AHCYL2: variants seen among roughly 807,000 people sequenced by gnomAD.
The protein encoded by AHCYL2 is adenosylhomocysteinase like 2, also known as S-adenosylhomocysteine hydrolase-like protein 2.
Under a neutral mutation model 81.4 loss-of-function variants are expected in AHCYL2, and 28 were observed. That is an observed-to-expected ratio of 0.34 (90% CI 0.25 to 0.47). The LOEUF (loss-of-function observed/expected upper bound fraction) is 0.47. Ranked by LOEUF, AHCYL2 falls within the 20% of genes least tolerant of loss-of-function variation. AHCYL2 has a pLI of 1.00. For synonymous variants in AHCYL2, 272 were observed against 290.2 expected, an observed-to-expected ratio of 0.94 and a Z score of 0.64; for missense variants, 551 against 785.1, an observed-to-expected ratio of 0.70 and a Z score of 3.56.
intron 1 of AHCYL2, among the ~76,000 whole-genome samples, chr7:129,378,155 T>C (rs1053548776): frequency 1.3e-5 from 2 of 151,924 alleles, no homozygotes; most frequent in African/African-American, 4.8e-5. Flanking sequence ...CTACTAAAAA[T>C]ACAAAAATTA....
intron 2 of AHCYL2, among the ~76,000 whole-genome samples, chr7:129,380,415 T>A (rs1376025769): frequency 6.6e-6 from 1 of 152,252 alleles, no homozygotes; most frequent in African/African-American, 2.4e-5. Flanking sequence ...TTTATTTTGC[T>A]CTTGTGTTGG....
chr7:129,283,932 CA>C (rs1796537554), intron 1 of AHCYL2, among the ~76,000 whole-genome samples: 1 of 152,124 alleles, frequency 6.6e-6, no homozygotes, highest in Admixed American at 6.5e-5. Context: ...CTTTAAAAAA[CA>C]AAATCAAAAT....
chr7:129,397,201 C>A lies in AHCYL2; in HGVS notation c.721-21C>A, dbSNP rs554530010. 9 of 1,606,852 alleles carry A rather than the reference C, an allele frequency of 5.6e-6. No homozygotes were observed. In the South Asian group the frequency reaches 6.6e-5, roughly 12 times the overall value. On this transcript the variant is annotated intron_variant, in intron 4 of 16. Transcript: ENST00000325006. ...TTGTTTGGCCCAGGCTTGCTCATACCCTGCTTTGTCTTTAATACAGGTGCT... is the reference window on the plus strand; with the variant it reads ...TTGTTTGGCCCAGGCTTGCTCATACACTGCTTTGTCTTTAATACAGGTGCT...
At position 129,368,380 on chromosome 7, in the gene AHCYL2, G is replaced by C; in HGVS notation, c.364-11258G>C. ...AGGGATGCAGCTTCTGCTAGCCACT[G>C]TGAACTTCTGAATCTCACTAGGGTT... is the stretch of plus-strand genomic sequence containing the variant. On this transcript the variant is annotated intron_variant, in intron 1 of 16. Coordinates refer to ENST00000325006, the MANE Select transcript of AHCYL2 (RefSeq NM_015328.4). This position sits in a 1 kb window ranked among gnomAD's most constrained non-coding sequence, Gnocchi z 4.4. 2 of 1,552,934 alleles carry C rather than the reference G, an allele frequency of 1.3e-6. No individual in the cohort carries two copies. Among genetic ancestry groups the C allele is most frequent in the South Asian group, 2.4e-5 (2 of 81,856 alleles).
chr7:129,394,090 C>T (rs1795597173), intron 4 of AHCYL2, among the ~76,000 whole-genome samples: 1 of 152,054 alleles, frequency 6.6e-6, no homozygotes, highest in Admixed American at 6.6e-5. Flanking sequence ...CTCATTGCAG[C>T]CTCAAACTCC....
At chr7:129,306,453 A>G (rs1010795515) in intron 1 of AHCYL2, among the ~76,000 whole-genome samples, 2 of 151,670 alleles carry the variant, frequency 1.3e-5, no homozygotes, top group Admixed American at 6.6e-5. Context: ...AATTATTTCA[A>G]TTTCATCGTT....
intron 1 of AHCYL2, among the ~76,000 whole-genome samples, chr7:129,233,961 T>C (rs1794542186): frequency 6.6e-6 from 1 of 152,174 alleles, no homozygotes; most frequent in Non-Finnish European, 1.5e-5. Context: ...GACCAATCCC[T>C]TCACAGGTGC....
chr7:129,338,325 T>TC (rs1793035828), intron 1 of AHCYL2, among the ~76,000 whole-genome samples: 2 of 151,680 alleles, frequency 1.3e-5, no homozygotes, highest in South Asian at 2.1e-4. Flanking sequence ...ATTTGTAAAT[T>TC]TTTTTTTTCT....
chr7:129,259,453 C>G (rs1584715030), intron 1 of AHCYL2, among the ~76,000 whole-genome samples: 1 of 152,130 alleles, frequency 6.6e-6, no homozygotes, highest in Middle Eastern at 3.4e-3. Context: ...TAGGCTTACT[C>G]TTTGTGGATT....
At chr7:129,360,310 T>G (rs953093251) in intron 1 of AHCYL2, among the ~76,000 whole-genome samples, 2 of 151,992 alleles carry the variant, frequency 1.3e-5, no homozygotes, top group African/African-American at 4.8e-5. Context: ...GAGACGGAGT[T>G]TCTTCATTTT....
intron 1 of AHCYL2, among the ~76,000 whole-genome samples, chr7:129,250,971 G>A (rs2012919): frequency 0.24 from 36,432 of 152,058 alleles, 4,574 homozygotes; most frequent in East Asian, 0.4. Flanking sequence ...ACCAAAACCG[G>A]TGAAGCCTTT....
chr7:129,376,672 GTGGTGTGTGTACA>G (rs1205190477), intron 1 of AHCYL2, among the ~76,000 whole-genome samples: 2 of 152,218 alleles, frequency 1.3e-5, no homozygotes, highest in African/African-American at 4.8e-5. Context: ...GCCCCCTCTA[GTGGTGTGTGTACA>G]TGGTGTGTGT....
In AHCYL2 at chr7:129,368,625, AG is replaced by A; in HGVS notation, c.364-11011del. 1.9e-6 allele frequency: 3 copies of A among 1,558,302 alleles called. No individual in the cohort carries two copies. The highest frequency in any genetic ancestry group is 2.7e-6 in the Non-Finnish European group (3 of 1,129,406). The stretch of plus-strand genomic sequence containing the variant: ...AGGCAACCATTTCTGACGGGTGACA[AG>A]GATCACCTCTGAGAAGCTCCTACCA... On this transcript the variant is annotated intron_variant, in intron 1 of 16. Coordinates refer to ENST00000325006, the MANE Select transcript of AHCYL2 (RefSeq NM_015328.4). This position sits in a 1 kb window ranked among gnomAD's most constrained non-coding sequence, Gnocchi z 4.4.
intron 1 of AHCYL2, among the ~76,000 whole-genome samples, chr7:129,227,823 T>G (rs973120437): frequency 1.3e-5 from 2 of 152,144 alleles, no homozygotes; most frequent in Non-Finnish European, 2.9e-5. Flanking sequence ...ACAATGTTAA[T>G]TGCACCAAAA....
chr7:129,355,959 A>T (rs1201088933), intron 1 of AHCYL2, among the ~76,000 whole-genome samples: 1 of 152,198 alleles, frequency 6.6e-6, no homozygotes, highest in Non-Finnish European at 1.5e-5. Context: ...AGAAATAATC[A>T]TAGTGGTTAT....
chr7:129,364,750 T>C (rs1379166793), intron 1 of AHCYL2, among the ~76,000 whole-genome samples: 2 of 152,208 alleles, frequency 1.3e-5, no homozygotes. Flanking sequence ...AAAAGTTTCA[T>C]TATAATGCAG....
intron 11 of AHCYL2, among the ~76,000 whole-genome samples, chr7:129,411,532 G>A (rs1179590555): frequency 6.6e-6 from 1 of 152,124 alleles, no homozygotes; most frequent in South Asian, 2.1e-4. Flanking sequence ...GGCCAAGATG[G>A]GTGGACCACC....
At chr7:129,377,677 AC>A (rs1794753903) in intron 1 of AHCYL2, 1 of 454,240 alleles carries the variant, frequency 2.2e-6, no homozygotes, top group Non-Finnish European at 4.4e-6. Flanking sequence ...CCTCTATGCC[AC>A]CTTGGATCCA....
chr7:129,279,795 G>C (rs1288231400), intron 1 of AHCYL2, among the ~76,000 whole-genome samples: 1 of 152,160 alleles, frequency 6.6e-6, no homozygotes, highest in African/African-American at 2.4e-5. Flanking sequence ...GGTAACTTCT[G>C]ATGTTGCCAT....
Sources: gnomAD v4.1 joint callset for allele counts (sites outside exome capture counted in the v4.1 genomes callset) on GRCh38, gnomAD v4.1.1 for gene constraint, Gnocchi (gnomAD v3.1) non-coding constraint, MANE v1.5 for transcripts, NCBI Gene and HGNC (gene_info 2026-07-23, HGNC 2026-07-21) for gene names.